Variants in PCDHA13 observed in about 807,000 individuals in gnomAD.
PCDHA13 encodes the protein protocadherin alpha 13.
In PCDHA13, 54 loss-of-function variants were observed where a neutral mutation model predicts 64.8. The observed-to-expected ratio is 0.83, with a 90% CI of 0.67 to 1.04. PCDHA13 has a LOEUF of 1.04. Among genes scored for constraint, PCDHA13 ranks in the 50% least tolerant of loss-of-function variants. PCDHA13 has a pLI of 0.00. For missense variants in PCDHA13, 1,248 were observed against 1,254.3 expected (o/e 0.99, Z 0.08); for synonymous variants, 587 against 564.4 (o/e 1.04, Z -0.57).
intron 3 of PCDHA13, among the ~76,000 whole-genome samples, chr5:141,005,658 C>T (rs1014602554): frequency 6.9e-4 from 96 of 138,640 alleles, no homozygotes; most frequent in African/African-American, 2.4e-3. Flanking sequence ...GTCGAGATCG[C>T]GCCACTGCAC....
At chr5:140,888,394 C>T (rs1554183448) in intron 1 of PCDHA13, among the ~76,000 whole-genome samples, 2 of 152,134 alleles carry the variant, frequency 1.3e-5, no homozygotes, top group African/African-American at 2.4e-5. Flanking sequence ...TGCTAAACAC[C>T]ATCCAATTGC....
chr5:140,967,332 C>G, intron 1 of PCDHA13: 2 of 1,608,024 alleles, frequency 1.2e-6, no homozygotes, highest in Non-Finnish European at 1.7e-6. Context: ...GAGCTCAGCC[C>G]CAGCGAGCAC....
intron 1 of PCDHA13, among the ~76,000 whole-genome samples, chr5:140,919,172 A>G (rs144962710): frequency 6.6e-6 from 1 of 152,282 alleles, no homozygotes; most frequent in African/African-American, 2.4e-5. Flanking sequence ...TTTAGTTGCT[A>G]TATCTTCCTG....
At position 140,883,358 on chromosome 5, in the gene PCDHA13, C is replaced by A. The variant is rs1554177826; in HGVS notation, c.1090C>A (p.Gln364Lys). The change falls in exon 1 of 4, where the codon CAG (glutamine) becomes AAG (lysine). Residue 364 changes from glutamine (Q) to lysine (K), a missense_variant. Physicochemically the swap from Gln to Lys is moderately conservative, Grantham distance 53. Coordinates refer to ENST00000289272, the MANE Select transcript of PCDHA13 (RefSeq NM_018904.3). The part of the protein sequence containing the change: ...SLSLPIREDT[Q>K]PSAIIALISV... ...GTCACTCCCCATCAGAGAAGACACT[C>A]AGCCTAGCGCCATTATTGCCCTAAT... 6.2e-7 allele frequency: 1 copy of A among 1,614,192 alleles called. No individual in the cohort carries two copies. Among genetic ancestry groups the A allele is most frequent in the South Asian group, 1.1e-5 (1 of 91,082 alleles).
At chr5:140,905,787 G>A (rs1468265319) in intron 1 of PCDHA13, among the ~76,000 whole-genome samples, 1 of 152,012 alleles carries the variant, frequency 6.6e-6, no homozygotes, top group Non-Finnish European at 1.5e-5. Context: ...TATTAGTCAG[G>A]GTTCTCTAGA....
chr5:140,951,493 A>C (rs1554219918), intron 1 of PCDHA13, among the ~76,000 whole-genome samples: 1 of 152,022 alleles, frequency 6.6e-6, no homozygotes, highest in Non-Finnish European at 1.5e-5. Context: ...TCATGGTGGA[A>C]GGCAAAAGGA....
At chr5:140,998,049 ACAT>A (rs782468760) in intron 3 of PCDHA13, among the ~76,000 whole-genome samples, 4 of 152,194 alleles carry the variant, frequency 2.6e-5, no homozygotes, top group Admixed American at 6.5e-5. Flanking sequence ...TAACTCAGTG[ACAT>A]CATCATCAAC....
intron 3 of PCDHA13, among the ~76,000 whole-genome samples, chr5:140,995,073 C>A (rs2097663037): frequency 6.6e-6 from 1 of 152,180 alleles, no homozygotes; most frequent in Non-Finnish European, 1.5e-5. Context: ...CAACCTACAG[C>A]AATCCAAACT....
intron 1 of PCDHA13, chr5:140,969,335 A>G (rs782267073): frequency 1.2e-6 from 2 of 1,614,012 alleles, no homozygotes; most frequent in Admixed American, 3.3e-5. Context: ...AAATGAGGTG[A>G]GACAGTGGTC....
intron 1 of PCDHA13, among the ~76,000 whole-genome samples, chr5:140,963,325 C>T (rs1156299692): frequency 2.0e-5 from 3 of 152,156 alleles, no homozygotes; most frequent in Non-Finnish European, 4.4e-5. Flanking sequence ...ATTAGAATTA[C>T]ACAGATAAAT....
At chr5:140,892,563 T>G (rs1554185281) in intron 1 of PCDHA13, among the ~76,000 whole-genome samples, 2 of 152,248 alleles carry the variant, frequency 1.3e-5, no homozygotes, top group Admixed American at 6.5e-5. Context: ...CCTTGGAGAC[T>G]GTCAAAAGTA....
intron 2 of PCDHA13, 35 bp from the exon 3 acceptor site, chr5:140,982,440 A>C: frequency 6.2e-6 from 10 of 1,613,042 alleles, no homozygotes; most frequent in Non-Finnish European, 8.5e-6. Context: ...AGAATTTATG[A>C]TCTAACCGTT....
chr5:140,937,039 CT>C (rs34994034), intron 1 of PCDHA13, among the ~76,000 whole-genome samples: 142 of 140,130 alleles, frequency 1.0e-3, no homozygotes, highest in Middle Eastern at 3.8e-3. Flanking sequence ...TTCCATTTAT[CT>C]TTTTTTTTTT....
chr5:140,910,577 C>T (rs1425639563), intron 1 of PCDHA13, among the ~76,000 whole-genome samples: 1 of 152,186 alleles, frequency 6.6e-6, no homozygotes, highest in Non-Finnish European at 1.5e-5. Flanking sequence ...TTTCTGGATC[C>T]TCCCAGCTGG....
At chr5:140,942,851 G>T (rs1211748532) in intron 1 of PCDHA13, among the ~76,000 whole-genome samples, 2 of 151,980 alleles carry the variant, frequency 1.3e-5, no homozygotes, top group Non-Finnish European at 2.9e-5. Flanking sequence ...CCAGTAAGAT[G>T]ATTATTTTGC....
At chr5:140,926,692 C>T in intron 1 of PCDHA13, 1 of 737,896 alleles carries the variant, frequency 1.4e-6, no homozygotes, top group Non-Finnish European at 2.0e-6. Context: ...CCTAGCAAGC[C>T]CGGCTCCCAG....
At chr5:140,993,081 A>G (rs966669704) in intron 3 of PCDHA13, among the ~76,000 whole-genome samples, 34 of 152,234 alleles carry the variant, frequency 2.2e-4, no homozygotes, top group Non-Finnish European at 2.8e-4. Flanking sequence ...GTCTGCAATC[A>G]GCAGGGCTAT....
Position 140,982,581 on chromosome 5 carries a change from C to T in PCDHA13, c.2542+18C>T, listed in dbSNP as rs782060139. On this transcript the variant is annotated intron_variant, in intron 3 of 3. Transcript: ENST00000289272. ...AACACCAGGTAAAGAGCTGGGGTCT[C>T]TCCATTCTTTCTTGGTTTCTGGAAA... 9 of 1,612,098 alleles carry T rather than the reference C, an allele frequency of 5.6e-6. No individual in the cohort carries two copies. The highest frequency in any genetic ancestry group is 4.0e-5 in the African/African-American group (3 of 74,892).
rs145229632 is a variant in PCDHA13 at position 140,928,096 on chromosome 5, C to A, written c.2394+43434C>A. ...CTACTACAGCCTGCTGATTGATGGG[C>A]CCCTGGACCGGGAGCAGATCAGTGA... On this transcript the variant is annotated intron_variant, in intron 1 of 3. Coordinates refer to ENST00000289272, the MANE Select transcript of PCDHA13 (RefSeq NM_018904.3). 3.5e-5 allele frequency: 57 copies of A among 1,614,052 alleles called. No homozygotes were observed. In the African/African-American group the frequency reaches 6.8e-4, roughly 19 times the overall value.
Sources: allele counts gnomAD v4.1 joint callset (sites outside exome capture counted in the v4.1 genomes callset), GRCh38; gene constraint gnomAD v4.1.1; transcripts MANE v1.5; gene names NCBI Gene and HGNC (gene_info 2026-07-23, HGNC 2026-07-21).